KCTD16: variants seen among roughly 807,000 people sequenced by gnomAD.
KCTD16 encodes BTB/POZ domain-containing protein KCTD16.
A neutral mutation model predicts 33.2 loss-of-function variants in KCTD16; 13 were observed. The observed-to-expected ratio is 0.39, with a 90% CI of 0.25 to 0.62. The LOEUF (loss-of-function observed/expected upper bound fraction) is 0.62, where lower values mean the gene tolerates loss of function less well. KCTD16 is among the 20% of genes least tolerant of loss of function. The pLI, the probability that KCTD16 is intolerant of heterozygous loss-of-function variation, is 0.50. For missense variants in KCTD16, 441 were observed against 525.1 expected (o/e 0.84, Z 1.57); for synonymous variants, 197 against 195.3 (o/e 1.01, Z -0.07).
intron 3 of KCTD16, among the ~76,000 whole-genome samples, chr5:144,226,774 T>A (rs1043083257): frequency 2.0e-5 from 3 of 152,094 alleles, no homozygotes; most frequent in African/African-American, 7.2e-5. Flanking sequence ...GATTTCGCCA[T>A]GTTGGTCAGG....
Position 144,484,819 on chromosome 5 carries a change from C to G in KCTD16, c.*10705C>G, listed in dbSNP as rs1381017394. ...GACACCCAATGAAATTACCTCTTCT[C>G]CTTTCCAATGCAGTTCGCTTGTACA... On this transcript the variant is annotated 3_prime_UTR_variant, in exon 4 of 4. Coordinates refer to ENST00000512467, the MANE Select transcript of KCTD16 (RefSeq NM_020768.4). 1.3e-5 allele frequency: 2 copies of G among 151,986 alleles called. No homozygotes were observed. The highest frequency in any genetic ancestry group is 4.8e-5 in the African/African-American group (2 of 41,426). The allele number at this position is 151,986 out of a possible 1,614,324, so 9.4% of individuals were successfully genotyped here.
intron 3 of KCTD16, among the ~76,000 whole-genome samples, chr5:144,335,346 T>C (rs1014512601): frequency 6.6e-6 from 1 of 152,168 alleles, no homozygotes; most frequent in African/African-American, 2.4e-5. Flanking sequence ...AGAAAATAAA[T>C]AGCTTATAGC....
intron 3 of KCTD16, among the ~76,000 whole-genome samples, chr5:144,272,809 C>T (rs1344575230): frequency 6.6e-6 from 1 of 152,086 alleles, no homozygotes; most frequent in African/African-American, 2.4e-5. Flanking sequence ...TCTTCCCCAA[C>T]ACCATATACA....
chr5:144,341,655 G>A (rs1005044183), intron 3 of KCTD16, among the ~76,000 whole-genome samples: 9 of 152,118 alleles, frequency 5.9e-5, no homozygotes, highest in African/African-American at 1.9e-4. Context: ...CAAGTTCACC[G>A]ATTCCCAACT....
rs1753436301 is a variant in KCTD16 at position 144,430,606 on chromosome 5, G to A, written c.833-43054G>A. ...CACATGTGCCAATTCTGATCAATTAGCAGTGAGAAGGGTTGTGTCTGGATT... is the reference window on the plus strand; with the variant it reads ...CACATGTGCCAATTCTGATCAATTAACAGTGAGAAGGGTTGTGTCTGGATT... On this transcript the variant is annotated intron_variant, in intron 3 of 3. Transcript: ENST00000512467. Among the ~76,000 whole-genome samples, 3 of 152,244 alleles carry A rather than the reference G, an allele frequency of 2.0e-5. No individual in the cohort carries two copies. The South Asian group carries it at 6.2e-4, about 32-fold the overall frequency.
intron 2 of KCTD16, among the ~76,000 whole-genome samples, chr5:144,198,616 C>T (rs1197193339): frequency 6.6e-6 from 1 of 152,172 alleles, no homozygotes; most frequent in African/African-American, 2.4e-5. Flanking sequence ...TACAAACAAT[C>T]GCTATACCAA....
chr5:144,383,726 C>T (rs1485453078), intron 3 of KCTD16, among the ~76,000 whole-genome samples: 2 of 151,636 alleles, frequency 1.3e-5, no homozygotes, highest in Non-Finnish European at 2.9e-5. Context: ...ATTATAGAGA[C>T]GAATGAGAGT....
intron 3 of KCTD16, among the ~76,000 whole-genome samples, chr5:144,472,665 C>T (rs1008811364): frequency 6.6e-6 from 1 of 152,142 alleles, no homozygotes; most frequent in African/African-American, 2.4e-5. Context: ...GGTATTACAA[C>T]AACGGATACT....
intron 3 of KCTD16, among the ~76,000 whole-genome samples, chr5:144,324,787 G>T (rs1752159757): frequency 6.6e-6 from 1 of 152,160 alleles, no homozygotes; most frequent in Admixed American, 6.6e-5. Flanking sequence ...GACATGGATG[G>T]GGCTGGAAGC....
chr5:144,264,636 G>A (rs191387145), intron 3 of KCTD16, among the ~76,000 whole-genome samples: 26 of 152,230 alleles, frequency 1.7e-4, no homozygotes, highest in African/African-American at 5.5e-4. Context: ...AGCTGGGCAT[G>A]GTGGTGCCCG....
At chr5:144,208,460 A>T (rs1753259753) in intron 3 of KCTD16, among the ~76,000 whole-genome samples, 1 of 152,230 alleles carries the variant, frequency 6.6e-6, no homozygotes. Flanking sequence ...AAAAGAGTAA[A>T]TCAGCCTGCA....
At chr5:144,385,635 G>T (rs1752307335) in intron 3 of KCTD16, among the ~76,000 whole-genome samples, 1 of 152,192 alleles carries the variant, frequency 6.6e-6, no homozygotes, top group South Asian at 2.1e-4. Flanking sequence ...TCAAGTTCAT[G>T]TATTACTTGT....
intron 3 of KCTD16, among the ~76,000 whole-genome samples, chr5:144,345,572 T>C (rs1032265562): frequency 6.6e-6 from 1 of 152,156 alleles, no homozygotes; most frequent in African/African-American, 2.4e-5. Flanking sequence ...TCAGAAGATA[T>C]TTACCGAGTA....
chr5:144,316,494 T>A (rs1751916224), intron 3 of KCTD16, among the ~76,000 whole-genome samples: 2 of 149,976 alleles, frequency 1.3e-5, no homozygotes, highest in South Asian at 4.2e-4. Flanking sequence ...CATCTTCCCA[T>A]TTTTGTTTTT....
intron 3 of KCTD16, among the ~76,000 whole-genome samples, chr5:144,345,569 A>T (rs999079563): frequency 6.6e-6 from 1 of 152,166 alleles, no homozygotes; most frequent in Non-Finnish European, 1.5e-5. Context: ...CACTCAGAAG[A>T]TATTTACCGA....
intron 3 of KCTD16, among the ~76,000 whole-genome samples, chr5:144,344,028 A>G (rs1227983347): frequency 1.3e-5 from 2 of 152,166 alleles, no homozygotes; most frequent in Admixed American, 6.5e-5. Context: ...TCAATGGAAC[A>G]GAACAGAGCC....
Position 144,480,028 on chromosome 5 carries a change from A to C in KCTD16, c.*5914A>C, listed in dbSNP as rs1754673704. 1 of 152,042 alleles carries C rather than the reference A, an allele frequency of 6.6e-6. No individual in the cohort carries two copies. Among genetic ancestry groups the C allele is most frequent in the African/African-American group, 2.4e-5 (1 of 41,428 alleles). The allele number at this position is 152,042 out of a possible 1,614,324, so 9.4% of individuals were successfully genotyped here. A position where few individuals can be genotyped will look rare whatever the true frequency, so the allele number is the denominator to read the frequency against. ...CTTTAGATAATTTACCTGCATTTGC[A>C]CAGTGAAAAATCAACATAACTTTAT... On this transcript the variant is annotated 3_prime_UTR_variant, in exon 4 of 4. Transcript: ENST00000512467.
intron 3 of KCTD16, among the ~76,000 whole-genome samples, chr5:144,437,203 A>G (rs1255466703): frequency 1.3e-5 from 2 of 152,092 alleles, no homozygotes; most frequent in African/African-American, 2.4e-5. Flanking sequence ...CATTTGCATC[A>G]TCTCCCTCAG....
chr5:144,250,200 C>G (rs758729638), intron 3 of KCTD16, among the ~76,000 whole-genome samples: 16 of 152,142 alleles, frequency 1.1e-4, no homozygotes, highest in Non-Finnish European at 2.1e-4. Context: ...GTTCCACAAA[C>G]CACAGCACTT....
Sources: gnomAD v4.1 joint callset for allele counts (sites outside exome capture counted in the v4.1 genomes callset) on GRCh38, gnomAD v4.1.1 for gene constraint, MANE v1.5 for transcripts, NCBI Gene and HGNC (gene_info 2026-07-23, HGNC 2026-07-21) for gene names.